The following TNFRSF21 variants were observed in gnomAD, a reference collection of about 807,000 sequenced individuals.
TNFRSF21 encodes tumor necrosis factor receptor superfamily member 21.
TNFRSF21 carries 19 observed loss-of-function variants against 45.6 expected under a neutral mutation model. That is an observed-to-expected ratio of 0.42 (90% CI 0.29 to 0.61). The LOEUF (loss-of-function observed/expected upper bound fraction) is 0.61. Among genes scored for constraint, TNFRSF21 ranks in the 20% least tolerant of loss-of-function variants. The pLI is 0.23. For missense variants in TNFRSF21, 737 were observed against 851.5 expected, an observed-to-expected ratio of 0.87 and a Z score of 1.67; for synonymous variants, 314 against 335.5, an observed-to-expected ratio of 0.94 and a Z score of 0.70.
At chr6:47,288,573 T>TAA (rs57310382) in intron 1 of TNFRSF21, among the ~76,000 whole-genome samples, 1,442 of 142,302 alleles carry the variant, frequency 0.01, 17 homozygotes, top group South Asian at 0.051. Flanking sequence ...GAAACAAACA[T>TAA]AAAAAAAAAA....
chr6:47,239,392 A>C (rs1367301881), intron 4 of TNFRSF21, among the ~76,000 whole-genome samples: 2 of 151,914 alleles, frequency 1.3e-5, no homozygotes, highest in African/African-American at 4.8e-5. Flanking sequence ...CTTTCCTGAG[A>C]TGACACACTG....
In TNFRSF21 at chr6:47,234,830, GGGGCTGGGGATGGGGCTCGGGCTAAGC is replaced by G. The variant is rs754880482; in HGVS notation, c.1551_1577del (p.Leu518_Pro526del). 20 of 1,541,580 alleles carry G rather than the reference GGGGCTGGGGATGGGGCTCGGGCTAAGC, an allele frequency of 1.3e-5. No homozygotes were observed. The highest frequency in any genetic ancestry group is 4.3e-5 in the Admixed American group (2 of 46,884). On this transcript the variant is annotated inframe_deletion, in exon 5 of 6. Transcript: ENST00000296861. ...GAGCGGAATTCTCAAGTTTCGCGTTGGGGCTGGGGATGGGGCTCGGGCTAAGCGGGCTGGGGCTCATCGGGAGAGCTA... is the reference window on the plus strand; with the variant it reads ...GAGCGGAATTCTCAAGTTTCGCGTTGGGGCTGGGGCTCATCGGGAGAGCTA...
At chr6:47,298,892 C>G (rs924831622) in intron 1 of TNFRSF21, among the ~76,000 whole-genome samples, 1 of 152,208 alleles carries the variant, frequency 6.6e-6, no homozygotes, top group Non-Finnish European at 1.5e-5. Context: ...CCCTGCAGGA[C>G]AGCTGCCAGA....
At position 47,286,353 on chromosome 6, in the gene TNFRSF21, G is replaced by A. The variant is rs141132373; in HGVS notation, c.339C>T (p.Cys113=). 1 of 1,614,222 alleles carries A rather than the reference G, an allele frequency of 6.2e-7. No homozygotes were observed. The highest frequency in any genetic ancestry group is 1.3e-5 in the African/African-American group (1 of 75,048). ...IEKCHDCSQP[C]PWPMIEKLPC... is the part of the protein sequence containing the mutation. ...GTAATTTCTCAATCATTGGCCATGG[G>A]CATGGCTGACTACAGTCATGGCATT... Residue 113 remains cysteine, a synonymous_variant, in exon 2 of 6, where the codon TGC becomes TGT. Coordinates refer to ENST00000296861, the MANE Select transcript of TNFRSF21 (RefSeq NM_014452.5).
chr6:47,236,037 G>T (rs917861251), intron 4 of TNFRSF21, among the ~76,000 whole-genome samples: 2 of 152,156 alleles, frequency 1.3e-5, no homozygotes, highest in African/African-American at 2.4e-5. Flanking sequence ...TGTACTGGGG[G>T]TGTGCAGTGG....
intron 4 of TNFRSF21, among the ~76,000 whole-genome samples, chr6:47,248,220 C>T (rs1449464377): frequency 1.3e-5 from 2 of 152,138 alleles, no homozygotes; most frequent in African/African-American, 4.8e-5. Flanking sequence ...AACCTAGCTG[C>T]AAAGCATCAC....
chr6:47,295,576 A>C (rs1762780363), intron 1 of TNFRSF21, among the ~76,000 whole-genome samples: 1 of 152,170 alleles, frequency 6.6e-6, no homozygotes, highest in African/African-American at 2.4e-5. Flanking sequence ...CTAAAGGCAA[A>C]ACCCAGGCAG....
chr6:47,251,621 C>G (rs1213586806), intron 4 of TNFRSF21, among the ~76,000 whole-genome samples: 1 of 152,160 alleles, frequency 6.6e-6, no homozygotes, highest in African/African-American at 2.4e-5. Flanking sequence ...TAGGCATCAT[C>G]AAGGACATTA....
intron 4 of TNFRSF21, among the ~76,000 whole-genome samples, chr6:47,249,263 A>G (rs868495853): frequency 1.8e-4 from 27 of 152,190 alleles, no homozygotes; most frequent in Non-Finnish European, 2.5e-4. Flanking sequence ...AGTGCCTGTT[A>G]TAATACTGTG....
intron 1 of TNFRSF21, among the ~76,000 whole-genome samples, chr6:47,301,313 A>C (rs2113870592): frequency 6.6e-6 from 1 of 152,238 alleles, no homozygotes; most frequent in East Asian, 1.9e-4. Flanking sequence ...TGTCTTTGAG[A>C]AGCTGAAAAA....
chr6:47,287,951 A>T (rs1762672180), intron 1 of TNFRSF21, among the ~76,000 whole-genome samples: 1 of 152,230 alleles, frequency 6.6e-6, no homozygotes, highest in Non-Finnish European at 1.5e-5. Context: ...ATTTCTGATA[A>T]AGGCATAAAT....
At chr6:47,241,358 C>A (rs1432917158) in intron 4 of TNFRSF21, among the ~76,000 whole-genome samples, 1 of 151,972 alleles carries the variant, frequency 6.6e-6, no homozygotes, top group African/African-American at 2.4e-5. Flanking sequence ...AAATACATCA[C>A]CCTAAAAAAA....
At chr6:47,254,744 A>C (rs1362448969) in intron 3 of TNFRSF21, among the ~76,000 whole-genome samples, 1 of 152,240 alleles carries the variant, frequency 6.6e-6, no homozygotes, top group Non-Finnish European at 1.5e-5. Context: ...CAGTCTTCCA[A>C]CTTGGCTTGC....
rs75577641 is a variant in TNFRSF21, at chr6:47,253,318, G to A, written c.1447C>T (p.Arg483Cys). The A allele has an allele frequency of 2.5e-6, 4 of 1,613,858 alleles. No individual in the cohort carries two copies. The highest frequency in any genetic ancestry group is 4.5e-5 in the East Asian group (2 of 44,876). The change falls in exon 4 of 6, where the codon CGC (arginine) becomes TGC (cysteine). Residue 483 changes from arginine to cysteine, a missense_variant. By Grantham distance (180) the Arg-to-Cys change is radical. Coordinates refer to ENST00000296861, the MANE Select transcript of TNFRSF21 (RefSeq NM_014452.5). ...ASLAQLISALRQHRRNDVVEK... is the reference protein window; with the variant it reads ...ASLAQLISALCQHRRNDVVEK... Reference sequence around the variant, plus strand: ...ACAACATCGTTTCTCCGGTGCTGGCGCAGGGCGCTAATTAGCTGGGCGAGG... The same window carrying A: ...ACAACATCGTTTCTCCGGTGCTGGCACAGGGCGCTAATTAGCTGGGCGAGG...
rs1762639088 is a variant in TNFRSF21, at chr6:47,285,914, T to C, written c.748+30A>G. The C allele has an allele frequency of 2.5e-6, 4 of 1,604,082 alleles. No homozygotes were observed. In the Admixed American group the frequency reaches 5.0e-5, roughly 20 times the overall value. Reference sequence around the variant, plus strand: ...ACCTCCACTGGGCTCAAAGCCTTCCTCAAATAAATAATTCATGAGGTTAAG... The same window carrying C: ...ACCTCCACTGGGCTCAAAGCCTTCCCCAAATAAATAATTCATGAGGTTAAG... On this transcript the variant is annotated intron_variant, in intron 2 of 5. Coordinates refer to ENST00000296861, the MANE Select transcript of TNFRSF21 (RefSeq NM_014452.5).
At chr6:47,307,339 C>T (rs541900728) in intron 1 of TNFRSF21, among the ~76,000 whole-genome samples, 27 of 152,182 alleles carry the variant, frequency 1.8e-4, no homozygotes, top group African/African-American at 6.5e-4. Flanking sequence ...GTTGCAAATC[C>T]AGTGCACAAT....
chr6:47,286,729 T>A (rs1582351805), intron 1 of TNFRSF21, 134 bp from the exon 2 acceptor site: 2 of 926,570 alleles, frequency 2.2e-6, no homozygotes, highest in East Asian at 5.3e-5. Context: ...GACTGCATCC[T>A]CTTGACAGCA....
chr6:47,261,137 A>G (rs945968816), intron 3 of TNFRSF21, among the ~76,000 whole-genome samples: 1 of 152,208 alleles, frequency 6.6e-6, no homozygotes, highest in African/African-American at 2.4e-5. Context: ...ACAGGCACGC[A>G]CTGTGTCCAT....
intron 4 of TNFRSF21, among the ~76,000 whole-genome samples, chr6:47,238,072 A>T (rs1764685349): frequency 6.6e-6 from 1 of 152,194 alleles, no homozygotes; most frequent in Non-Finnish European, 1.5e-5. Context: ...AGAAAAAAAG[A>T]TATATTAACT....
Sources: allele counts gnomAD v4.1 joint callset (sites outside exome capture counted in the v4.1 genomes callset), GRCh38; gene constraint gnomAD v4.1.1; transcripts MANE v1.5; gene names NCBI Gene and HGNC (gene_info 2026-07-23, HGNC 2026-07-21).